Variants in IL6ST observed in about 807,000 individuals in gnomAD.
IL6ST encodes the protein interleukin-6 receptor subunit beta.
Under a neutral mutation model 91.3 loss-of-function variants are expected in IL6ST, and 24 were observed. That is an observed-to-expected ratio of 0.26 (90% CI 0.19 to 0.37). The LOEUF (loss-of-function observed/expected upper bound fraction) is 0.37, where lower values mean the gene tolerates loss of function less well. Ranked by LOEUF, IL6ST falls within the 10% of genes least tolerant of loss-of-function variation. The pLI is 1.00. For synonymous variants in IL6ST, 351 were observed against 373.6 expected (o/e 0.94, Z 0.70); for missense variants, 914 against 1,078.5 (o/e 0.85, Z 2.14).
At chr5:55,978,712 G>A (rs549899629) in intron 2 of IL6ST, among the ~76,000 whole-genome samples, 20 of 152,222 alleles carry the variant, frequency 1.3e-4, no homozygotes, top group African/African-American at 4.6e-4. Flanking sequence ...GTGACAGAGC[G>A]AGACTCCGTC....
rs138052515 is a variant in IL6ST at position 55,942,610 on chromosome 5, C to A, written c.2019+60G>T. The A allele has an allele frequency of 8.3e-5, 70 of 844,888 alleles. No individual in the cohort carries two copies. In the African/African-American group the frequency reaches 9.3e-4, roughly 11 times the overall value. 52.3% of individuals were successfully genotyped at this position (844,888 alleles called of 1,614,324 possible). A position where few individuals can be genotyped will look rare whatever the true frequency, so the allele number is the denominator to read the frequency against. ...TCAATATACCTACTAACTGTAGATA[C>A]TCAATATACCTACTAACATGTCTGT... On this transcript the variant is annotated intron_variant, in intron 16 of 16. Transcript: ENST00000381298.
chr5:55,949,196 G>A (rs1227780688), intron 14 of IL6ST, among the ~76,000 whole-genome samples: 2 of 151,980 alleles, frequency 1.3e-5, no homozygotes, highest in African/African-American at 2.4e-5. Context: ...AAAATTTTAG[G>A]CTGAGCATGG....
chr5:55,947,610 AAAAAAAAG>A (rs2111641267), intron 14 of IL6ST, 21 bp from the exon 15 acceptor site: 1 of 1,408,906 alleles, frequency 7.1e-7, no homozygotes, highest in Non-Finnish European at 9.8e-7. Context: ...AAAAAAAAAA[AAAAAAAAG>A]AGGTGTGATG....
At position 55,940,023 on chromosome 5, in the gene IL6ST, T is replaced by C; in HGVS notation, c.*1059A>G. On this transcript the variant is annotated 3_prime_UTR_variant, in exon 17 of 17. Coordinates refer to ENST00000381298, the MANE Select transcript of IL6ST (RefSeq NM_002184.4). The stretch of plus-strand genomic sequence containing the variant: ...AAATTTAAATCTTTGCCTACTTATT[T>C]AAAAATAAAAAAAATACTCAAAACA... The C allele has an allele frequency of 5.4e-6, 1 of 185,634 alleles. No individual in the cohort carries two copies. The highest frequency in any genetic ancestry group is 7.7e-5 in the East Asian group (1 of 12,908). The allele number at this position is 185,634 out of a possible 1,614,324, so 11.5% of individuals were successfully genotyped here. A position where few individuals can be genotyped will look rare whatever the true frequency, so the allele number is the denominator to read the frequency against.
chr5:55,935,376 A>C lies in IL6ST; in HGVS notation c.*5706T>G, dbSNP rs1750442814. On this transcript the variant is annotated 3_prime_UTR_variant, in exon 17 of 17. Coordinates refer to ENST00000381298, the MANE Select transcript of IL6ST (RefSeq NM_002184.4). ...TTCTAAAACTAAGCTCTGGCTTCGT[A>C]TCTGTTGAAAATCTTTAGCGGTTGG... The C allele has an allele frequency of 5.0e-6, 1 of 201,796 alleles. No homozygotes were observed. The highest frequency in any genetic ancestry group is 2.3e-5 in the African/African-American group (1 of 43,514). 12.5% of individuals were successfully genotyped at this position (201,796 alleles called of 1,614,324 possible). A position where few individuals can be genotyped will look rare whatever the true frequency, so the allele number is the denominator to read the frequency against.
intron 3 of IL6ST, among the ~76,000 whole-genome samples, chr5:55,974,412 G>C (rs1753149620): frequency 6.6e-6 from 1 of 152,018 alleles, no homozygotes; most frequent in South Asian, 2.1e-4. Flanking sequence ...CGCAACCTTT[G>C]CCTCCCGGGT....
chr5:55,957,244 T>C lies in IL6ST; in HGVS notation c.1021A>G (p.Thr341Ala). 6.4e-7 allele frequency: 1 copy of C among 1,570,146 alleles called. No individual in the cohort carries two copies. Among genetic ancestry groups the C allele is most frequent in the Non-Finnish European group, 8.7e-7 (1 of 1,153,468 alleles). The change falls in exon 9 of 17, where the codon ACT becomes GCT. Residue 341 changes from threonine to alanine, a missense_variant. Transcript: ENST00000381298. The stretch of plus-strand genomic sequence containing the variant: ...AGTTGTACAGTTCTGTAGCCTTGAG[T>C]ATGGGATGGATCTATTTTATACCAG... Reference protein sequence around the residue: ...SFWYKIDPSHTQGYRTVQLVW... With the variant: ...SFWYKIDPSHAQGYRTVQLVW...
In IL6ST at chr5:55,956,208, T is replaced by C. The variant is rs759116128; in HGVS notation, c.1084A>G (p.Lys362Glu). The C allele has an allele frequency of 1.9e-6, 3 of 1,606,544 alleles. No homozygotes were observed. Among genetic ancestry groups the C allele is most frequent in the Non-Finnish European group, 2.6e-6 (3 of 1,173,306 alleles). ...AGAGTCACTTCATAATCCAAGATTT[T>C]TCCATTGGCTTCAAAAGGAGGCAAT... Reference protein sequence around the residue: ...KTLPPFEANGKILDYEVTLTR... With the variant: ...KTLPPFEANGEILDYEVTLTR... The change falls in exon 10 of 17, where the codon AAA (lysine) becomes GAA (glutamate). Residue 362 changes from lysine to glutamate, a missense_variant. Coordinates refer to ENST00000381298, the MANE Select transcript of IL6ST (RefSeq NM_002184.4).
chr5:55,959,626 C>T (rs1752186325), intron 8 of IL6ST: 2 of 1,292,966 alleles, frequency 1.5e-6, no homozygotes, highest in East Asian at 4.8e-5. Context: ...AAAAACTAAC[C>T]AACCAAAATT....
At chr5:55,967,063 G>A (rs1752673060) in intron 5 of IL6ST, among the ~76,000 whole-genome samples, 1 of 151,742 alleles carries the variant, frequency 6.6e-6, no homozygotes, top group African/African-American at 2.4e-5. Flanking sequence ...TATCATCTAA[G>A]CACTCTGGGA....
intron 1 of IL6ST, among the ~76,000 whole-genome samples, chr5:55,992,177 G>A (rs1754371127): frequency 6.6e-6 from 1 of 152,064 alleles, no homozygotes; most frequent in South Asian, 2.1e-4. Flanking sequence ...TCCCTAACAG[G>A]ACTCAGAACA....
intron 16 of IL6ST, 55 bp downstream of exon 16, chr5:55,942,615 T>C (rs1463667716): frequency 5.6e-6 from 5 of 891,912 alleles, no homozygotes; most frequent in Non-Finnish European, 9.3e-6. Flanking sequence ...AGATACTCAA[T>C]ATACCTACTA....
rs1750611392 is a variant in IL6ST at position 55,937,471 on chromosome 5, T to C, written c.*3611A>G. 1 of 211,210 alleles carries C rather than the reference T, an allele frequency of 4.7e-6. No homozygotes were observed. Among genetic ancestry groups the C allele is most frequent in the Non-Finnish European group, 9.6e-6 (1 of 104,126 alleles). The allele number at this position is 211,210 out of a possible 1,614,324, so 13.1% of individuals were successfully genotyped here. A position where few individuals can be genotyped will look rare whatever the true frequency, so the allele number is the denominator to read the frequency against. ...GGCTTTGTAAAGTTTTGTTTTGACT[T>C]ACATCATCTGAATTCTGTTTATCGA... On this transcript the variant is annotated 3_prime_UTR_variant, in exon 17 of 17. Transcript: ENST00000381298.
At chr5:55,948,337 TTTAC>T (rs545365681) in intron 14 of IL6ST, among the ~76,000 whole-genome samples, 13 of 152,160 alleles carry the variant, frequency 8.5e-5, no homozygotes, top group African/African-American at 2.4e-4. Flanking sequence ...AATTTTGAAT[TTTAC>T]TTAGTCTTTT....
At position 55,938,323 on chromosome 5, in the gene IL6ST, A is replaced by G. The variant is rs564812828; in HGVS notation, c.*2759T>C. On this transcript the variant is annotated 3_prime_UTR_variant, in exon 17 of 17. Coordinates refer to ENST00000381298, the MANE Select transcript of IL6ST (RefSeq NM_002184.4). ...TCCCGAGTGCCGACTGATCCATAGT[A>G]AAAAAGGACAAGATTAAAATTTTAG... is the stretch of plus-strand genomic sequence containing the variant. 5.2e-6 allele frequency: 1 copy of G among 191,160 alleles called. No individual in the cohort carries two copies. The highest frequency in any genetic ancestry group is 8.3e-5 in the East Asian group (1 of 12,028). 11.8% of individuals were successfully genotyped at this position (191,160 alleles called of 1,614,324 possible). A position where few individuals can be genotyped will look rare whatever the true frequency, so the allele number is the denominator to read the frequency against.
intron 15 of IL6ST, among the ~76,000 whole-genome samples, chr5:55,943,438 A>T (rs1032763904): frequency 7.2e-5 from 11 of 152,218 alleles, no homozygotes; most frequent in African/African-American, 2.4e-4. Flanking sequence ...AAAACAGAGG[A>T]GGTAACATGT....
At chr5:55,987,658 C>CT (rs1372442302) in intron 1 of IL6ST, among the ~76,000 whole-genome samples, 1 of 152,142 alleles carries the variant, frequency 6.6e-6, no homozygotes, top group East Asian at 1.9e-4. Context: ...CTTTTACTTC[C>CT]TTTATCTGTA....
Position 55,941,148 on chromosome 5 carries a change from A to T in IL6ST, c.2691T>A (p.Thr897=), listed in dbSNP as rs373930009. The T allele has an allele frequency of 1.2e-6, 2 of 1,613,970 alleles. No individual in the cohort carries two copies. Among genetic ancestry groups the T allele is most frequent in the African/African-American group, 2.7e-5 (2 of 74,926 alleles). The change falls in exon 17 of 17, where the codon ACT becomes ACA. Residue 897 remains threonine, a synonymous_variant. Coordinates refer to ENST00000381298, the MANE Select transcript of IL6ST (RefSeq NM_002184.4). The stretch of plus-strand genomic sequence containing the variant: ...AGTAACTTTTAGGCATGCCTTCATC[A>T]GTCGCAGCCTCCATGCCAACTGTTT... ...RFETVGMEAA[T]DEGMPKSYLP...
Position 55,936,210 on chromosome 5 carries a change from G to T in IL6ST, c.*4872C>A. The T allele has an allele frequency of 4.4e-6, 1 of 227,812 alleles. No individual in the cohort carries two copies. Among genetic ancestry groups the T allele is most frequent in the Non-Finnish European group, 8.7e-6 (1 of 114,718 alleles). The allele number at this position is 227,812 out of a possible 1,614,324, so 14.1% of individuals were successfully genotyped here. ...TAACCTCAAGAAGTAGCAGGAGGAT[G>T]CCATGTATCAATCTTGAACTTCAAG... On this transcript the variant is annotated 3_prime_UTR_variant, in exon 17 of 17. Coordinates refer to ENST00000381298, the MANE Select transcript of IL6ST (RefSeq NM_002184.4).
Sources: gnomAD v4.1 joint callset for allele counts (sites outside exome capture counted in the v4.1 genomes callset) on GRCh38, gnomAD v4.1.1 for gene constraint, MANE v1.5 for transcripts, NCBI Gene and HGNC (gene_info 2026-07-23, HGNC 2026-07-21) for gene names.